VPS37A: variants seen among roughly 807,000 people sequenced by gnomAD.
VPS37A encodes vacuolar protein sorting-associated protein 37A.
Under a neutral mutation model 49.8 loss-of-function variants are expected in VPS37A, and 30 were observed. That is an observed-to-expected ratio of 0.60 (90% confidence interval 0.45 to 0.82). The LOEUF (loss-of-function observed/expected upper bound fraction) is 0.82, where lower values mean the gene tolerates loss of function less well. Ranked by LOEUF, VPS37A falls within the 40% of genes least tolerant of loss-of-function variation. The pLI is 0.00. For synonymous variants in VPS37A, 195 were observed against 160.6 expected (o/e 1.21, Z -1.62); for missense variants, 593 against 464.4 (o/e 1.28, Z -2.55).
At chr8:17,332,466 C>T in the VPS37A span, among the ~76,000 whole-genome samples, 7 of 152,204 alleles carry the variant, frequency 4.6e-5, no homozygotes, top group Non-Finnish European at 8.8e-5. Flanking sequence ...CCCTGACCTG[C>T]GAGCAGTGAC....
rs1013088420 is a variant in VPS37A at position 17,276,449 on chromosome 8, C to T, written c.695C>T (p.Pro232Leu). ...YKMPDVPDAF[P>L]ELSELSVSQL... is the part of the protein sequence containing the mutation. ...ATGCCAGATGTCCCTGATGCATTTC[C>T]AGAACTCTCAGAACTAAGGTAAACC... Residue 232 changes from proline (P) to leucine (L), a missense_variant, in exon 6 of 12, where the codon CCA becomes CTA. Physicochemically the swap from Pro to Leu is moderately conservative, Grantham distance 98. Coordinates refer to ENST00000324849, the MANE Select transcript of VPS37A (RefSeq NM_152415.3). 1 of 1,610,820 alleles carries T rather than the reference C, an allele frequency of 6.2e-7. No individual in the cohort carries two copies. The highest frequency in any genetic ancestry group is 8.5e-7 in the Non-Finnish European group (1 of 1,178,588).
chr8:17,292,639 T>C (rs1197902065), intron 11 of VPS37A, among the ~76,000 whole-genome samples: 1 of 152,356 alleles, frequency 6.6e-6, no homozygotes, highest in Non-Finnish European at 1.5e-5. Flanking sequence ...TCAGGAGCTC[T>C]TGTAAGGCAG....
At chr8:17,329,186 C>A in the VPS37A span, among the ~76,000 whole-genome samples, 2 of 152,172 alleles carry the variant, frequency 1.3e-5, no homozygotes, top group African/African-American at 4.8e-5. Context: ...GCCTTCATAT[C>A]TCTTTGATGC....
intron 9 of VPS37A, among the ~76,000 whole-genome samples, chr8:17,283,792 T>C (rs573223635): frequency 1.3e-5 from 2 of 152,310 alleles, no homozygotes; most frequent in South Asian, 4.1e-4. Context: ...ATCTTTAAGA[T>C]TGTTTTGGCT....
the VPS37A span, among the ~76,000 whole-genome samples, chr8:17,328,515 A>G: frequency 6.6e-6 from 1 of 152,014 alleles, no homozygotes; most frequent in South Asian, 2.1e-4. Context: ...GAGCTGAACA[A>G]TGAGAACACA....
chr8:17,301,938 A>T (rs185357913), downstream of VPS37A: 2 of 481,434 alleles, frequency 4.2e-6, no homozygotes, highest in Non-Finnish European at 3.5e-6. Context: ...AAATTTGTGG[A>T]ACTGAGCCAC....
intron 11 of VPS37A, among the ~76,000 whole-genome samples, chr8:17,288,313 C>T (rs1405913608): frequency 5.9e-5 from 9 of 152,138 alleles, no homozygotes; most frequent in Non-Finnish European, 1.3e-4. Flanking sequence ...TGATGGTTTG[C>T]TGCACCCATC....
the VPS37A span, among the ~76,000 whole-genome samples, chr8:17,309,835 G>C: frequency 6.6e-6 from 1 of 152,140 alleles, no homozygotes; most frequent in South Asian, 2.1e-4. Context: ...GTTTTTCAGT[G>C]ATCTTTTCTA....
intron 4 of VPS37A, among the ~76,000 whole-genome samples, chr8:17,270,243 T>G (rs1293271058): frequency 6.6e-6 from 1 of 152,084 alleles, no homozygotes; most frequent in South Asian, 2.1e-4. Context: ...CCAAACTATA[T>G]CAGATGAATA....
the VPS37A span, among the ~76,000 whole-genome samples, chr8:17,311,120 C>T: frequency 6.6e-6 from 1 of 152,164 alleles, no homozygotes; most frequent in Non-Finnish European, 1.5e-5. Flanking sequence ...TTTTGGCATA[C>T]ACAATATAGA....
At chr8:17,293,843 C>A (rs1816365050) in intron 11 of VPS37A, among the ~76,000 whole-genome samples, 2 of 152,184 alleles carry the variant, frequency 1.3e-5, no homozygotes, top group African/African-American at 2.4e-5. Context: ...CAGAGGGGCA[C>A]CTGCAAAGTG....
chr8:17,273,290 C>T (rs544689246), intron 4 of VPS37A, among the ~76,000 whole-genome samples: 2 of 152,108 alleles, frequency 1.3e-5, no homozygotes, highest in East Asian at 1.9e-4. Flanking sequence ...CAAATGTGAG[C>T]TTATTTGTTG....
At chr8:17,282,917 C>A (rs1419844935) in intron 9 of VPS37A, among the ~76,000 whole-genome samples, 1 of 152,108 alleles carries the variant, frequency 6.6e-6, no homozygotes, top group East Asian at 1.9e-4. Context: ...CTACTGTACA[C>A]CTAATATCTG....
chr8:17,325,883 CA>C, the VPS37A span, among the ~76,000 whole-genome samples: 1 of 152,276 alleles, frequency 6.6e-6, no homozygotes, highest in African/African-American at 2.4e-5. Context: ...ACCTACAGCC[CA>C]TCAACGTATC....
the VPS37A span, chr8:17,313,386 G>C: frequency 1.9e-6 from 3 of 1,610,744 alleles, no homozygotes; most frequent in African/African-American, 1.3e-5. Flanking sequence ...CATGGAGGGA[G>C]ATTTAAGTTC....
chr8:17,247,062 C>T lies in VPS37A; in HGVS notation c.-183C>T, dbSNP rs1811285581. The T allele has an allele frequency of 2.7e-6, 2 of 750,808 alleles. No homozygotes were observed. The highest frequency in any genetic ancestry group is 2.9e-5 in the Admixed American group (1 of 34,434). The allele number at this position is 750,808 out of a possible 1,614,324, so 46.5% of individuals were successfully genotyped here. On this transcript the variant is annotated 5_prime_UTR_variant, in exon 1 of 12. Coordinates refer to ENST00000324849, the MANE Select transcript of VPS37A (RefSeq NM_152415.3). ...TTTCCCTCTCCAGCCGCCCGCCGTT[C>T]GTAGCATGTCCCCCAGAACTCGGGG...
chr8:17,289,517 T>C (rs952805978), intron 11 of VPS37A, among the ~76,000 whole-genome samples: 2 of 152,114 alleles, frequency 1.3e-5, no homozygotes, highest in African/African-American at 2.4e-5. Context: ...TGTAGATGTG[T>C]GGTGTTATTT....
chr8:17,263,280 A>G (rs962212292), intron 1 of VPS37A, among the ~76,000 whole-genome samples: 1 of 152,102 alleles, frequency 6.6e-6, no homozygotes, highest in African/African-American at 2.4e-5. Flanking sequence ...AATGTTTTGG[A>G]ATAAGTTTTT....
the VPS37A span, among the ~76,000 whole-genome samples, chr8:17,330,740 T>C: frequency 1.4e-4 from 22 of 152,268 alleles, no homozygotes; most frequent in African/African-American, 5.3e-4. Flanking sequence ...TCCGATATTC[T>C]CCCTTCGAAT....
Sources: gnomAD v4.1 joint callset for allele counts (sites outside exome capture counted in the v4.1 genomes callset) on GRCh38, gnomAD v4.1.1 for gene constraint, MANE v1.5 for transcripts, NCBI Gene and HGNC (gene_info 2026-07-23, HGNC 2026-07-21) for gene names.